Variants in TSPAN19 observed in about 807,000 individuals in gnomAD.
The protein encoded by TSPAN19 is tetraspanin 19, also known as tetraspanin-19.
Under a neutral mutation model 35.1 loss-of-function variants are expected in TSPAN19, and 44 were observed. The observed-to-expected ratio is 1.25, with a 90% CI of 0.98 to 1.61. TSPAN19 has a LOEUF of 1.61. TSPAN19 is among the 40% of genes most tolerant of loss of function. TSPAN19 has a pLI of 0.00. For missense variants in TSPAN19, 290 were observed against 280.0 expected (o/e 1.04, Z -0.26); for synonymous variants, 79 against 92.0 (o/e 0.86, Z 0.81).
intron 4 of TSPAN19, among the ~76,000 whole-genome samples, chr12:85,024,419 G>T (rs974697182): frequency 2.6e-5 from 4 of 152,020 alleles, no homozygotes; most frequent in African/African-American, 9.7e-5. Context: ...ATTTTGTCTG[G>T]GTCTGACAAA....
chr12:85,028,779 C>T (rs1345767973), intron 3 of TSPAN19, among the ~76,000 whole-genome samples: 1 of 152,082 alleles, frequency 6.6e-6, no homozygotes, highest in Non-Finnish European at 1.5e-5. Flanking sequence ...GCTGTTTAAA[C>T]CATGGAAATG....
intron 6 of TSPAN19, among the ~76,000 whole-genome samples, chr12:85,018,842 T>C (rs1876959287): frequency 6.6e-6 from 1 of 151,918 alleles, no homozygotes; most frequent in African/African-American, 2.4e-5. Flanking sequence ...TAACAGTTCC[T>C]ATGTTATAGG....
intron 6 of TSPAN19, among the ~76,000 whole-genome samples, chr12:85,018,681 AT>A (rs1247685741): frequency 1.3e-5 from 2 of 151,884 alleles, no homozygotes; most frequent in East Asian, 1.9e-4. Context: ...AATAAAACCT[AT>A]TTTTTTATGT....
intron 1 of TSPAN19, among the ~76,000 whole-genome samples, chr12:85,034,280 T>C (rs1460321664): frequency 1.3e-5 from 2 of 152,178 alleles, no homozygotes; most frequent in Admixed American, 6.5e-5. Context: ...ATGGGATATT[T>C]AAATTATATC....
At chr12:85,015,783 A>G (rs1007800707) in intron 8 of TSPAN19, 105 bp downstream of exon 8, 3 of 777,432 alleles carry the variant, frequency 3.9e-6, no homozygotes, top group Non-Finnish European at 6.0e-6. Context: ...TCCTGGCTCT[A>G]TTATATGAAC....
In TSPAN19 at chr12:85,023,406, AC is replaced by A; in HGVS notation, c.265-7del. 1 of 1,567,098 alleles carries A rather than the reference AC, an allele frequency of 6.4e-7. No individual in the cohort carries two copies. The highest frequency in any genetic ancestry group is 1.2e-5 in the South Asian group (1 of 84,846). ...CATGTTATCAATACTGCATACTAAA[AC>A]AAAAGAAAAATAGAGATGATGACTA... On this transcript the variant is annotated splice_region_variant and splice_polypyrimidine_tract_variant and intron_variant, in intron 4 of 8. Transcript: ENST00000532498.
At chr12:85,036,053 A>G (rs570788205) in intron 1 of TSPAN19, among the ~76,000 whole-genome samples, 151 bp downstream of exon 1, 26 of 152,322 alleles carry the variant, frequency 1.7e-4, no homozygotes, top group Middle Eastern at 6.8e-3. Context: ...AACACCTTAT[A>G]CATGGGCAAA....
At chr12:85,023,971 A>G (rs1877265383) in intron 4 of TSPAN19, among the ~76,000 whole-genome samples, 1 of 151,874 alleles carries the variant, frequency 6.6e-6, no homozygotes, top group Non-Finnish European at 1.5e-5. Flanking sequence ...TTGTCCACCT[A>G]AAAAAAAGGC....
At position 85,017,617 on chromosome 12, in the gene TSPAN19, T is replaced by G. The variant is rs564841714; in HGVS notation, c.451-18A>C. On this transcript the variant is annotated intron_variant, in intron 6 of 8. Coordinates refer to ENST00000532498, the MANE Select transcript of TSPAN19 (RefSeq NM_001100917.2). ...CACTGTAACTAGGAAAAAGCTTATATGAATTTTACCATAAAATGTTCAAAA... is the reference window on the plus strand; with the variant it reads ...CACTGTAACTAGGAAAAAGCTTATAGGAATTTTACCATAAAATGTTCAAAA... 12 of 1,521,842 alleles carry G rather than the reference T, an allele frequency of 7.9e-6. No homozygotes were observed. The African/African-American group carries it at 1.5e-4, about 20-fold the overall frequency. The allele number at this position is 1,521,842 out of a possible 1,614,324, so 94.3% of individuals were successfully genotyped here. A position where few individuals can be genotyped will look rare whatever the true frequency, so the allele number is the denominator to read the frequency against.
intron 1 of TSPAN19, among the ~76,000 whole-genome samples, chr12:85,030,427 C>T (rs979950799): frequency 1.3e-5 from 2 of 152,032 alleles, no homozygotes; most frequent in African/African-American, 4.8e-5. Context: ...GCATGCCCTT[C>T]CCCTTTCTCA....
chr12:85,023,121 T>C (rs1295835438), intron 5 of TSPAN19, among the ~76,000 whole-genome samples: 2 of 152,114 alleles, frequency 1.3e-5, no homozygotes, highest in Non-Finnish European at 2.9e-5. Flanking sequence ...CAAACAGAGT[T>C]AAAGGCAAGT....
At chr12:85,019,944 G>T (rs1157774370) in intron 5 of TSPAN19, among the ~76,000 whole-genome samples, 2 of 151,908 alleles carry the variant, frequency 1.3e-5, no homozygotes, top group Non-Finnish European at 2.9e-5. Context: ...TCTATAGGAA[G>T]AATATATTAG....
At chr12:85,033,540 A>T (rs1304528854) in intron 1 of TSPAN19, among the ~76,000 whole-genome samples, 1 of 152,148 alleles carries the variant, frequency 6.6e-6, no homozygotes, top group East Asian at 1.9e-4. Context: ...CAAAGATGGA[A>T]TGTAGTCTGT....
At chr12:85,019,206 TG>T (rs1456823926) in intron 6 of TSPAN19, among the ~76,000 whole-genome samples, 1 of 151,916 alleles carries the variant, frequency 6.6e-6, no homozygotes, top group Non-Finnish European at 1.5e-5. Context: ...ACTTTACGAA[TG>T]TGGAACTTGG....
intron 3 of TSPAN19, among the ~76,000 whole-genome samples, chr12:85,028,886 G>A (rs910508558): frequency 1.3e-5 from 2 of 152,156 alleles, no homozygotes; most frequent in Non-Finnish European, 2.9e-5. Context: ...CCAGTTGGGG[G>A]AGAAGGTTAG....
intron 5 of TSPAN19, among the ~76,000 whole-genome samples, chr12:85,020,639 C>T (rs1877069890): frequency 6.6e-6 from 1 of 151,902 alleles, no homozygotes; most frequent in Non-Finnish European, 1.5e-5. Flanking sequence ...GACCCATTTC[C>T]CCTGAAGGTA....
chr12:85,022,587 T>C (rs1422422095), intron 5 of TSPAN19, among the ~76,000 whole-genome samples: 1 of 152,090 alleles, frequency 6.6e-6, no homozygotes, highest in African/African-American at 2.4e-5. Context: ...ACATTATATT[T>C]TACAGATACA....
Position 85,029,781 on chromosome 12 carries a change from A to T in TSPAN19, c.77T>A (p.Leu26His). ...LINGAFLVLGLLFMGFGAWLL... is the reference protein window; with the variant it reads ...LINGAFLVLGHLFMGFGAWLL... ...CCATGCACCAAATCCCATGAATAAA[A>T]GTCCAAGAACCTAAAAAAAGAAAGT... The change falls in exon 3 of 9, where the codon CTT becomes CAT. Residue 26 changes from leucine to histidine, a missense_variant. Transcript: ENST00000532498. The T allele has an allele frequency of 1.3e-6, 2 of 1,544,364 alleles. No homozygotes were observed. The highest frequency in any genetic ancestry group is 2.5e-5 in the South Asian group (2 of 81,398).
intron 1 of TSPAN19, among the ~76,000 whole-genome samples, chr12:85,031,227 T>G (rs1877670603): frequency 6.6e-6 from 1 of 152,168 alleles, no homozygotes; most frequent in African/African-American, 2.4e-5. Flanking sequence ...CTACTTTCCA[T>G]CCTATTGTCT....
Sources: gnomAD v4.1 joint callset for allele counts (sites outside exome capture counted in the v4.1 genomes callset) on GRCh38, gnomAD v4.1.1 for gene constraint, MANE v1.5 for transcripts, NCBI Gene and HGNC (gene_info 2026-07-23, HGNC 2026-07-21) for gene names.